IQCJ: variants seen among roughly 807,000 people sequenced by gnomAD.
IQCJ encodes IQ motif containing J, also known as IQ domain-containing protein J.
A neutral mutation model predicts 11.0 loss-of-function variants in IQCJ; 9 were observed. The observed-to-expected ratio is 0.82, with a 90% CI of 0.49 to 1.43. The LOEUF (loss-of-function observed/expected upper bound fraction) is 1.43. Ranked by LOEUF, IQCJ falls within the 40% of genes most tolerant of loss-of-function variation. The probability of loss-of-function intolerance (pLI) is 0.00; values close to 1 mark genes in which losing one functional copy is unlikely to be tolerated. For missense variants in IQCJ, 146 were observed against 133.2 expected (o/e 1.10, Z -0.47); for synonymous variants, 55 against 51.3 (o/e 1.07, Z -0.31).
chr3:159,246,093 A>T (rs2621296), intron 2 of IQCJ, among the ~76,000 whole-genome samples, 186 bp downstream of exon 2: 1 of 151,408 alleles, frequency 6.6e-6, no homozygotes, highest in African/African-American at 2.4e-5. Flanking sequence ...AGCAATGAAA[A>T]ACAAGCTCTA....
intron 1 of IQCJ, among the ~76,000 whole-genome samples, chr3:159,215,714 A>G (rs914791357): frequency 2.0e-5 from 3 of 152,128 alleles, no homozygotes; most frequent in Non-Finnish European, 4.4e-5. Flanking sequence ...TTGCATTGCT[A>G]TCAGTTATCT....
chr3:159,218,035 CAATAAT>C (rs5853855), intron 1 of IQCJ, among the ~76,000 whole-genome samples: 8 of 148,548 alleles, frequency 5.4e-5, no homozygotes, highest in Admixed American at 2.0e-4. Context: ...ATATTATATA[CAATAAT>C]AATAATAATA....
chr3:159,130,035 C>T (rs1719902122), intron 1 of IQCJ, among the ~76,000 whole-genome samples: 1 of 152,104 alleles, frequency 6.6e-6, no homozygotes, highest in Non-Finnish European at 1.5e-5. Context: ...AGAACAGTTC[C>T]ACCATAGGAT....
At chr3:159,231,829 G>C (rs1205025450) in intron 1 of IQCJ, among the ~76,000 whole-genome samples, 1 of 152,126 alleles carries the variant, frequency 6.6e-6, no homozygotes, top group East Asian at 1.9e-4. Flanking sequence ...GTCTATTCAG[G>C]GATGTGACTT....
At chr3:159,237,171 C>A (rs1726641748) in intron 1 of IQCJ, among the ~76,000 whole-genome samples, 1 of 152,148 alleles carries the variant, frequency 6.6e-6, no homozygotes, top group South Asian at 2.1e-4. Flanking sequence ...AACAAGTGAA[C>A]AAGTGTACTT....
In IQCJ at chr3:159,181,970, A is replaced by G. The variant is rs188146666; in HGVS notation, c.10-63873A>G. On this transcript the variant is annotated intron_variant, in intron 1 of 3. Coordinates refer to ENST00000397832, the MANE Select transcript of IQCJ (RefSeq NM_001042706.3). ...TTAAAGTGTCTCTCTTATCTTTCCT[A>G]TAAGACAAAGTCCCAGCCTCTTAAC... is the stretch of plus-strand genomic sequence containing the variant. 2.0e-5 allele frequency among the ~76,000 whole-genome samples: 3 copies of G among 151,952 alleles called. No individual in the cohort carries two copies. In the East Asian group the frequency reaches 5.8e-4, roughly 29 times the overall value.
intron 1 of IQCJ, among the ~76,000 whole-genome samples, chr3:159,126,822 G>C (rs1157859261): frequency 6.6e-6 from 1 of 152,058 alleles, no homozygotes; most frequent in East Asian, 1.9e-4. Context: ...TTGATACAGT[G>C]CTTCCAAGTT....
chr3:159,188,718 G>T (rs1263837657), intron 1 of IQCJ, among the ~76,000 whole-genome samples: 1 of 151,962 alleles, frequency 6.6e-6, no homozygotes. Flanking sequence ...ATCCTGTCTT[G>T]GCTGTGGCAG....
chr3:159,103,938 G>A (rs1041334015), intron 1 of IQCJ, among the ~76,000 whole-genome samples: 2 of 152,252 alleles, frequency 1.3e-5, no homozygotes, highest in African/African-American at 4.8e-5. Context: ...ATACACCTAT[G>A]TGGATTTCTT....
chr3:159,087,129 G>C (rs528194727), intron 1 of IQCJ, among the ~76,000 whole-genome samples: 10 of 152,122 alleles, frequency 6.6e-5, no homozygotes, highest in Admixed American at 4.6e-4. Flanking sequence ...TAGCATGAAG[G>C]GTTGTTGAAT....
intron 1 of IQCJ, among the ~76,000 whole-genome samples, chr3:159,078,831 C>A (rs1174982344): frequency 6.6e-6 from 1 of 151,998 alleles, no homozygotes; most frequent in African/African-American, 2.4e-5. Context: ...GTTTCCTCAT[C>A]TATAAAATGA....
intron 1 of IQCJ, among the ~76,000 whole-genome samples, chr3:159,233,874 A>T (rs1174375916): frequency 6.6e-6 from 1 of 152,208 alleles, no homozygotes; most frequent in Admixed American, 6.5e-5. Flanking sequence ...CATTGCCATC[A>T]TCATCTTACA....
At chr3:159,083,627 G>A (rs1215597014) in intron 1 of IQCJ, among the ~76,000 whole-genome samples, 4 of 152,086 alleles carry the variant, frequency 2.6e-5, no homozygotes, top group African/African-American at 9.7e-5. Flanking sequence ...TCACAAAAAT[G>A]AAAACTGTAT....
intron 1 of IQCJ, among the ~76,000 whole-genome samples, chr3:159,172,599 A>C (rs889675010): frequency 2.0e-5 from 3 of 152,078 alleles, no homozygotes; most frequent in Non-Finnish European, 2.9e-5. Context: ...TAAAATTCAT[A>C]AGAATCCTGC....
At chr3:159,211,240 G>A (rs541109549) in intron 1 of IQCJ, among the ~76,000 whole-genome samples, 2 of 152,260 alleles carry the variant, frequency 1.3e-5, no homozygotes, top group Non-Finnish European at 2.9e-5. Flanking sequence ...ACACCGTTGT[G>A]GATGAGGAAG....
intron 1 of IQCJ, among the ~76,000 whole-genome samples, chr3:159,106,863 T>G (rs951865540): frequency 6.6e-6 from 1 of 152,200 alleles, no homozygotes; most frequent in Admixed American, 6.5e-5. Context: ...AGAACTATTC[T>G]ATTTCACAGA....
chr3:159,162,774 G>A (rs1473265092), intron 1 of IQCJ, among the ~76,000 whole-genome samples: 8 of 152,086 alleles, frequency 5.3e-5, no homozygotes, highest in African/African-American at 1.2e-4. Flanking sequence ...ACAAACTACC[G>A]TCAGAGAATA....
chr3:159,192,466 T>C (rs1723745332), intron 1 of IQCJ, among the ~76,000 whole-genome samples: 1 of 151,850 alleles, frequency 6.6e-6, no homozygotes, highest in African/African-American at 2.4e-5. Context: ...GGAAGCAGAG[T>C]TGCGGAGAGG....
At chr3:159,078,544 C>T (rs550016449) in intron 1 of IQCJ, among the ~76,000 whole-genome samples, 2 of 150,804 alleles carry the variant, frequency 1.3e-5, no homozygotes, top group Admixed American at 1.3e-4. Context: ...GGCCCACCCG[C>T]CCCCCGCCTT....
Sources: gnomAD v4.1 joint callset for allele counts (sites outside exome capture counted in the v4.1 genomes callset) on GRCh38, gnomAD v4.1.1 for gene constraint, MANE v1.5 for transcripts, NCBI Gene and HGNC (gene_info 2026-07-23, HGNC 2026-07-21) for gene names.